The following INPP4B variants were observed in gnomAD, a reference collection of about 807,000 sequenced individuals.
INPP4B encodes the protein inositol polyphosphate-4-phosphatase type II B.
INPP4B carries 55 observed loss-of-function variants against 122.5 expected under a neutral mutation model. The observed-to-expected ratio is 0.45, with a 90% confidence interval of 0.36 to 0.56. The LOEUF (loss-of-function observed/expected upper bound fraction) is 0.56. INPP4B is among the 20% of genes least tolerant of loss of function. The pLI is 0.00. For missense variants in INPP4B, 1,000 were observed against 1,097.7 expected (o/e 0.91, Z 1.26); for synonymous variants, 403 against 388.7 (o/e 1.04, Z -0.43).
intron 3 of INPP4B, among the ~76,000 whole-genome samples, chr4:142,434,121 T>G (rs1394500320): frequency 1.3e-5 from 2 of 152,160 alleles, no homozygotes; most frequent in Non-Finnish European, 2.9e-5. Flanking sequence ...TTTAGTCCAG[T>G]GTAAAAAATG....
intron 2 of INPP4B, among the ~76,000 whole-genome samples, chr4:142,585,999 A>C (rs1490648587): frequency 2.6e-5 from 4 of 151,986 alleles, no homozygotes; most frequent in African/African-American, 9.7e-5. Flanking sequence ...AGAAATAACT[A>C]AACACTTTTC....
chr4:142,367,620 G>A (rs1183892723), intron 7 of INPP4B, among the ~76,000 whole-genome samples: 4 of 152,036 alleles, frequency 2.6e-5, no homozygotes, highest in East Asian at 3.9e-4. Flanking sequence ...CTCAAATCTA[G>A]ATCTGATAGT....
chr4:142,633,223 C>T (rs1403522632), intron 2 of INPP4B, among the ~76,000 whole-genome samples: 3 of 151,610 alleles, frequency 2.0e-5, no homozygotes, highest in Non-Finnish European at 4.4e-5. Context: ...TTGTAAACAC[C>T]TAATACTATA....
intron 2 of INPP4B, among the ~76,000 whole-genome samples, chr4:142,686,188 A>T (rs1759323733): frequency 2.0e-5 from 3 of 152,156 alleles, no homozygotes; most frequent in African/African-American, 7.2e-5. Context: ...ATGCTAGAGC[A>T]ATACAGGCTG....
chr4:142,675,516 T>C (rs184892878), intron 2 of INPP4B, among the ~76,000 whole-genome samples: 14 of 152,262 alleles, frequency 9.2e-5, no homozygotes, highest in Admixed American at 3.9e-4. Context: ...ATTATCCTGA[T>C]ACCAAAATCT....
chr4:142,585,482 C>T (rs772838201), intron 2 of INPP4B, among the ~76,000 whole-genome samples: 1 of 152,064 alleles, frequency 6.6e-6, no homozygotes, highest in South Asian at 2.1e-4. Context: ...GTGGGACAGC[C>T]CACACAAACT....
chr4:142,259,293 A>T (rs1028772820), intron 11 of INPP4B, among the ~76,000 whole-genome samples: 1 of 151,942 alleles, frequency 6.6e-6, no homozygotes, highest in Non-Finnish European at 1.5e-5. Flanking sequence ...AGCATGGCAC[A>T]TGTATACATA....
intron 25 of INPP4B, among the ~76,000 whole-genome samples, chr4:142,051,594 G>A (rs1450942836): frequency 1.3e-5 from 2 of 151,818 alleles, no homozygotes; most frequent in African/African-American, 4.8e-5. Context: ...TGTGATATTC[G>A]AAGGAGATAT....
Position 142,427,290 on chromosome 4 carries a change from T to A in INPP4B, c.136+1883A>T, listed in dbSNP as rs1808313815. 8.4e-6 allele frequency: 3 copies of A among 356,352 alleles called. No homozygotes were observed. The South Asian group carries it at 2.4e-4, about 29-fold the overall frequency. The allele number at this position is 356,352 out of a possible 1,614,324, so 22.1% of individuals were successfully genotyped here. A position where few individuals can be genotyped will look rare whatever the true frequency, so the allele number is the denominator to read the frequency against. On this transcript the variant is annotated intron_variant, in intron 5 of 25. Transcript: ENST00000262992. ...GTTCCATGATGACTTGAAATAATAT[T>A]TTTTTAGTAAACTTGTGTTCGCTCA...
chr4:142,216,663 C>T (rs1847411664), intron 12 of INPP4B, among the ~76,000 whole-genome samples: 1 of 152,046 alleles, frequency 6.6e-6, no homozygotes, highest in African/African-American at 2.4e-5. Context: ...TTTTTATTTT[C>T]AGTAAAATTG....
At chr4:142,284,706 A>G (rs1163668984) in intron 9 of INPP4B, among the ~76,000 whole-genome samples, 1 of 152,020 alleles carries the variant, frequency 6.6e-6, no homozygotes, top group Non-Finnish European at 1.5e-5. Context: ...AGGGGAGCAT[A>G]GTGGGTACAG....
At chr4:142,257,805 C>A (rs1737168778) in intron 11 of INPP4B, among the ~76,000 whole-genome samples, 1 of 151,776 alleles carries the variant, frequency 6.6e-6, no homozygotes, top group African/African-American at 2.4e-5. Context: ...TCAATGCCAT[C>A]CCCATCAAGC....
chr4:142,651,629 G>A (rs1752980400), intron 2 of INPP4B, among the ~76,000 whole-genome samples: 2 of 152,092 alleles, frequency 1.3e-5, no homozygotes, highest in African/African-American at 2.4e-5. Flanking sequence ...AGAAGAAATG[G>A]ATAAGTTCCT....
chr4:142,274,535 A>G (rs1484063268), intron 9 of INPP4B, among the ~76,000 whole-genome samples: 15 of 151,880 alleles, frequency 9.9e-5, no homozygotes, highest in Non-Finnish European at 1.5e-5. Flanking sequence ...CAAATGTATG[A>G]CAAATCTGGA....
intron 12 of INPP4B, among the ~76,000 whole-genome samples, chr4:142,224,524 T>C (rs1311687074): frequency 1.3e-5 from 2 of 152,176 alleles, no homozygotes; most frequent in African/African-American, 4.8e-5. Flanking sequence ...AAACCAATTC[T>C]ACATTATATG....
At chr4:142,834,904 A>G (rs970664725) in intron 1 of INPP4B, among the ~76,000 whole-genome samples, 1 of 152,246 alleles carries the variant, frequency 6.6e-6, no homozygotes, top group Non-Finnish European at 1.5e-5. Context: ...CAAAAGAAAC[A>G]TGTAAACTGA....
At chr4:142,624,817 C>G in intron 2 of INPP4B, among the ~76,000 whole-genome samples, 2 of 152,022 alleles carry the variant, frequency 1.3e-5, no homozygotes, top group Non-Finnish European at 2.9e-5. Flanking sequence ...GGATGCAAGG[C>G]TGGTTCAATA....
At chr4:142,170,008 A>G (rs1320201332) in intron 16 of INPP4B, among the ~76,000 whole-genome samples, 2 of 151,694 alleles carry the variant, frequency 1.3e-5, no homozygotes, top group South Asian at 2.1e-4. Flanking sequence ...CTTTAAAAAC[A>G]TTATTTATTT....
At chr4:142,716,225 T>C (rs1763742668) in intron 2 of INPP4B, among the ~76,000 whole-genome samples, 1 of 152,210 alleles carries the variant, frequency 6.6e-6, no homozygotes, top group African/African-American at 2.4e-5. Context: ...GCTGTGGCCA[T>C]TTTTGCAAAC....
Sources: gnomAD v4.1 joint callset for allele counts (sites outside exome capture counted in the v4.1 genomes callset) on GRCh38, gnomAD v4.1.1 for gene constraint, MANE v1.5 for transcripts, NCBI Gene and HGNC (gene_info 2026-07-23, HGNC 2026-07-21) for gene names.